RANBP2: variants seen among roughly 807,000 people sequenced by gnomAD.
The protein encoded by RANBP2 is RAN binding protein 2.
A neutral mutation model predicts 303.6 loss-of-function variants in RANBP2; 57 were observed. The observed-to-expected ratio is 0.19, with a 90% CI of 0.15 to 0.23. The LOEUF is 0.23. Among genes scored for constraint, RANBP2 ranks in the 10% least tolerant of loss-of-function variants. The pLI is 1.00. For missense variants in RANBP2, 3,138 were observed against 3,780.8 expected (o/e 0.83, Z 4.46); for synonymous variants, 1,167 against 1,301.5 (o/e 0.90, Z 2.23).
chr2:108,952,420 T>C, the RANBP2 span, among the ~76,000 whole-genome samples: 2 of 152,246 alleles, frequency 1.3e-5, no homozygotes, highest in African/African-American at 2.4e-5. Context: ...ATTTTTAAAA[T>C]ACTCTATTAT....
chr2:109,721,070 T>C, the RANBP2 span, among the ~76,000 whole-genome samples: 1 of 152,218 alleles, frequency 6.6e-6, no homozygotes, highest in South Asian at 2.1e-4. Flanking sequence ...GGATGTGAGC[T>C]GCCCCAAAAC....
At chr2:109,051,689 G>A in the RANBP2 span, among the ~76,000 whole-genome samples, 3 of 151,890 alleles carry the variant, frequency 2.0e-5, no homozygotes, top group Non-Finnish European at 4.4e-5. Flanking sequence ...GGCTGGCTAA[G>A]ACAGCAATGT....
the RANBP2 span, among the ~76,000 whole-genome samples, chr2:109,327,577 A>G: frequency 2.0e-5 from 3 of 152,240 alleles, no homozygotes; most frequent in African/African-American, 7.2e-5. Flanking sequence ...GGAGAAAATT[A>G]CAGCTTTTCT....
the RANBP2 span, among the ~76,000 whole-genome samples, chr2:109,375,490 C>T: frequency 6.6e-6 from 1 of 152,200 alleles, no homozygotes; most frequent in Non-Finnish European, 1.5e-5. Context: ...TCTAGTCTAG[C>T]GGATGGGACA....
chr2:109,428,859 C>T, the RANBP2 span, among the ~76,000 whole-genome samples: 1 of 152,238 alleles, frequency 6.6e-6, no homozygotes, highest in South Asian at 2.1e-4. Context: ...GAGTTGGGCT[C>T]AGGAGCCAGG....
At chr2:108,910,505 TC>T in the RANBP2 span, 1 of 1,613,908 alleles carries the variant, frequency 6.2e-7, no homozygotes, top group Non-Finnish European at 8.5e-7. Context: ...CTCAAATTCA[TC>T]CTTCTCGGAG....
At chr2:109,515,448 C>G in the RANBP2 span, among the ~76,000 whole-genome samples, 5 of 152,212 alleles carry the variant, frequency 3.3e-5, no homozygotes, top group South Asian at 2.1e-4. Context: ...GACTCCAGGA[C>G]AAAGCCCTGG....
chr2:109,486,854 T>C, the RANBP2 span, among the ~76,000 whole-genome samples: 1 of 152,180 alleles, frequency 6.6e-6, no homozygotes, highest in African/African-American at 2.4e-5. Context: ...TGCACCTTTC[T>C]CGGCAGATCT....
At chr2:109,231,676 A>T in the RANBP2 span, among the ~76,000 whole-genome samples, 2 of 152,318 alleles carry the variant, frequency 1.3e-5, no homozygotes, top group African/African-American at 2.4e-5. Flanking sequence ...GCCTAAGTAA[A>T]AATATAATTA....
At chr2:108,720,935 G>A (rs1694185542) in intron 1 of RANBP2, among the ~76,000 whole-genome samples, 1 of 152,134 alleles carries the variant, frequency 6.6e-6, no homozygotes, top group Non-Finnish European at 1.5e-5. Flanking sequence ...TGTAGTCCCA[G>A]CTACCCGGGA....
chr2:108,994,791 G>A, the RANBP2 span, among the ~76,000 whole-genome samples: 1 of 95,226 alleles, frequency 1.1e-5, no homozygotes, highest in East Asian at 2.8e-4. Flanking sequence ...TCTGTGCATT[G>A]GGTTATATAT....
chr2:109,605,513 CAA>C, the RANBP2 span: 2 of 151,948 alleles, frequency 1.3e-5, no homozygotes, highest in South Asian at 2.1e-4. Context: ...ACTTGAATAA[CAA>C]AGTTAATTCA....
chr2:109,572,061 A>T, the RANBP2 span, among the ~76,000 whole-genome samples: 2 of 152,222 alleles, frequency 1.3e-5, no homozygotes, highest in Non-Finnish European at 2.9e-5. Flanking sequence ...ATTGTACTAA[A>T]TGCTTCGTAA....
the RANBP2 span, among the ~76,000 whole-genome samples, chr2:109,497,900 C>T: frequency 6.6e-6 from 1 of 152,244 alleles, no homozygotes; most frequent in African/African-American, 2.4e-5. Flanking sequence ...TCGCCCTTTG[C>T]CTTCCTTTCT....
chr2:109,695,562 C>G, the RANBP2 span, among the ~76,000 whole-genome samples: 1 of 152,172 alleles, frequency 6.6e-6, no homozygotes, highest in Non-Finnish European at 1.5e-5. Flanking sequence ...TGATGCTGGA[C>G]CCCACTGATA....
the RANBP2 span, among the ~76,000 whole-genome samples, chr2:108,814,617 T>C: frequency 8.6e-5 from 13 of 151,704 alleles, no homozygotes; most frequent in Non-Finnish European, 1.6e-4. Context: ...TGCTTTTATA[T>C]TTCTCTGTCT....
the RANBP2 span, chr2:109,436,762 G>A: frequency 3.7e-5 from 51 of 1,387,488 alleles, no homozygotes; most frequent in Admixed American, 1.3e-4. Flanking sequence ...ATTGTTTTAG[G>A]ACCTCGTCCC....
At chr2:109,198,533 C>T in the RANBP2 span, among the ~76,000 whole-genome samples, 1 of 152,140 alleles carries the variant, frequency 6.6e-6, no homozygotes, top group Admixed American at 6.5e-5. Flanking sequence ...CAGCAGACAT[C>T]GATTTCTGTG....
At chr2:109,464,013 A>G in the RANBP2 span, among the ~76,000 whole-genome samples, 2 of 152,172 alleles carry the variant, frequency 1.3e-5, no homozygotes, top group African/African-American at 4.8e-5. Context: ...AGGGTCCCCA[A>G]TTCACAGAAC....
Sources: gnomAD v4.1 joint callset for allele counts (sites outside exome capture counted in the v4.1 genomes callset) on GRCh38, gnomAD v4.1.1 for gene constraint, MANE v1.5 for transcripts, NCBI Gene and HGNC (gene_info 2026-07-23, HGNC 2026-07-21) for gene names.